Variants in ALG13 observed in about 807,000 individuals in gnomAD.
The protein encoded by ALG13 is ALG13 UDP-N-acetylglucosaminyltransferase subunit.
ALG13 carries 11 observed loss-of-function variants against 87.8 expected under a neutral mutation model. The observed-to-expected ratio is 0.13, with a 90% CI of 0.08 to 0.21. The LOEUF (loss-of-function observed/expected upper bound fraction) is 0.21. Among genes scored for constraint, ALG13 ranks in the 10% least tolerant of loss-of-function variants. ALG13 has a pLI of 1.00. For missense variants in ALG13, 756 were observed against 866.1 expected (o/e 0.87, Z 1.60); for synonymous variants, 320 against 306.3 (o/e 1.04, Z -0.47).
At chrX:111,686,029 G>A in intron 3 of ALG13, 1 of 471,651 alleles carries the variant, frequency 2.1e-6, no homozygotes, top group Non-Finnish European at 3.1e-6. Flanking sequence ...ATTTTAAGCA[G>A]AGAAATTATG....
intron 3 of ALG13, among the ~76,000 whole-genome samples, chrX:111,704,498 G>C (rs1938413460): frequency 8.9e-6 from 1 of 111,999 alleles, no homozygotes; most frequent in African/African-American, 3.2e-5. Context: ...GTTTATGCAG[G>C]GGATTGAACT....
chrX:111,739,425 A>G (rs896425318), intron 23 of ALG13, among the ~76,000 whole-genome samples: 2 of 112,320 alleles, frequency 1.8e-5, no homozygotes, highest in Non-Finnish European at 3.7e-5. Flanking sequence ...TTTTAAAAGT[A>G]CATACTTGAA....
intron 3 of ALG13, among the ~76,000 whole-genome samples, chrX:111,700,315 C>G (rs947233184): frequency 3.6e-5 from 4 of 110,518 alleles, no homozygotes; most frequent in Non-Finnish European, 7.6e-5. Context: ...AGCATGTTAT[C>G]AGCAAATAAA....
At chrX:111,757,457 A>C in intron 25 of ALG13, 131 bp from the exon 26 acceptor site, 3 of 468,854 alleles carry the variant, frequency 6.4e-6, no homozygotes, top group Non-Finnish European at 1.0e-5. Context: ...CAAAAAAGTC[A>C]TTGCTACCTC....
chrX:111,721,824 G>A, intron 12 of ALG13, 113 bp downstream of exon 12: 1 of 453,879 alleles, frequency 2.2e-6, no homozygotes, highest in Non-Finnish European at 3.8e-6. Context: ...ATAGCCTGAT[G>A]CTTTTTATCT....
rs149808406 is a variant in ALG13, at chrX:111,682,154, A to G, written c.104A>G (p.Asn35Ser). The G allele has an allele frequency of 6.1e-5, 73 of 1,187,684 alleles. No homozygotes were observed. In the African/African-American group the frequency reaches 1.1e-3, roughly 18 times the overall value. The change falls in exon 2 of 27, where the codon AAC becomes AGC. Residue 35 changes from asparagine to serine, a missense_variant. Physicochemically the swap from Asn to Ser is conservative, Grantham distance 46. This residue lies in a region of ALG13 where 153 missense variants were observed against 168.7 expected (regional missense o/e 0.91). Coordinates refer to ENST00000394780, the MANE Select transcript of ALG13 (RefSeq NM_001099922.3). ...SLQKIESLGY[N>S]RLILQIGRGT... The stretch of plus-strand genomic sequence containing the variant: ...CAGAAAATCGAGAGCCTTGGTTACA[A>G]CCGACTTATCCTGCAAATTGGTAGA...
chrX:111,717,753 A>G (rs996395345), intron 8 of ALG13, 93 bp from the exon 9 acceptor site: 29 of 586,827 alleles, frequency 4.9e-5, no homozygotes, highest in Middle Eastern at 4.9e-4. Flanking sequence ...TCAGTTACTG[A>G]CTACTGACTC....
intron 12 of ALG13, 43 bp downstream of exon 12, chrX:111,721,754 C>A: frequency 1.0e-6 from 1 of 961,285 alleles, no homozygotes; most frequent in Non-Finnish European, 1.5e-6. Context: ...CTGACAAATC[C>A]AGGAGTATAA....
intron 3 of ALG13, among the ~76,000 whole-genome samples, chrX:111,697,166 A>G (rs1186839541): frequency 1.8e-5 from 2 of 111,131 alleles, no homozygotes; most frequent in South Asian, 7.6e-4. Context: ...TGTTTCTCAA[A>G]CTTTGAAACA....
chrX:111,708,294 G>A lies in ALG13; in HGVS notation c.651G>A (p.Leu217=), dbSNP rs1266202619. Residue 217 remains leucine (L), a synonymous_variant, in exon 4 of 27, where the codon TTG becomes TTA. Coordinates refer to ENST00000394780, the MANE Select transcript of ALG13 (RefSeq NM_001099922.3). ...AAAACTACTGCAGCCAGAAGTCTTT[G>A]AATGAGGCATCAATGGATGAATATT... The part of the protein sequence containing the change: ...GWKNYCSQKS[L]NEASMDEYLG... The A allele has an allele frequency of 1.7e-6, 2 of 1,211,754 alleles. No individual in the cohort carries two copies. The highest frequency in any genetic ancestry group is 3.5e-5 in the South Asian group (2 of 56,991).
In ALG13 at chrX:111,685,103, G is replaced by C. The variant is rs1167013400; in HGVS notation, c.383G>C (p.Arg128Thr). 1 of 1,206,996 alleles carries C rather than the reference G, an allele frequency of 8.3e-7. No homozygotes were observed. ...GGTCATCTCTTCTATTGTACCTGCA[G>C]GTATGCTAGAGACTGATTATTATTA... ...KEGHLFYCTC[R>T]VLTCPGQAKS... is the part of the protein sequence containing the mutation. Residue 128 changes from arginine (R) to threonine (T), a missense_variant and splice_region_variant, in exon 3 of 27, where the codon AGG (arginine) becomes ACG (threonine). Physicochemically the swap from Arg to Thr is moderately conservative, Grantham distance 71. Coordinates refer to ENST00000394780, the MANE Select transcript of ALG13 (RefSeq NM_001099922.3).
chrX:111,710,061 TCTC>T (rs1466642728), intron 5 of ALG13, among the ~76,000 whole-genome samples: 1 of 109,273 alleles, frequency 9.2e-6, no homozygotes, highest in African/African-American at 3.3e-5. Context: ...GACAGGGTCT[TCTC>T]TGTTGCCCAG....
intron 3 of ALG13, among the ~76,000 whole-genome samples, chrX:111,703,452 C>T (rs939774419): frequency 3.6e-5 from 4 of 111,304 alleles, no homozygotes; most frequent in African/African-American, 9.8e-5. Context: ...TTGACAAACG[C>T]GTAATCATGT....
chrX:111,683,932 A>G (rs1810340875), intron 2 of ALG13, among the ~76,000 whole-genome samples: 1 of 111,475 alleles, frequency 9.0e-6, no homozygotes, highest in Non-Finnish European at 1.9e-5. Context: ...GAAATGAAGT[A>G]TAGTTTCACA....
chrX:111,748,802 G>A (rs895168461), intron 24 of ALG13, among the ~76,000 whole-genome samples: 3 of 111,181 alleles, frequency 2.7e-5, no homozygotes, highest in African/African-American at 9.8e-5. Flanking sequence ...TAAGCAACTG[G>A]CCGGGCATGG....
chrX:111,728,780 C>T (rs902066272), intron 19 of ALG13, among the ~76,000 whole-genome samples: 1 of 110,932 alleles, frequency 9.0e-6, no homozygotes, highest in African/African-American at 3.3e-5. Context: ...GTGATACCCA[C>T]TCTACTAAGT....
chrX:111,726,013 G>T (rs1197432806), intron 15 of ALG13, among the ~76,000 whole-genome samples: 1 of 111,803 alleles, frequency 8.9e-6, no homozygotes, highest in African/African-American at 3.2e-5. Flanking sequence ...GCGCTATCTC[G>T]GCTCACTGTA....
At chrX:111,714,437 G>T (rs942696226) in intron 8 of ALG13, 12 of 110,242 alleles carry the variant, frequency 1.1e-4, no homozygotes, top group African/African-American at 4.0e-4. Context: ...ATGAAGAGCA[G>T]TCTATTCAGA....
chrX:111,746,556 T>G (rs1308105730), intron 24 of ALG13, among the ~76,000 whole-genome samples: 4 of 112,110 alleles, frequency 3.6e-5, no homozygotes, highest in Non-Finnish European at 7.5e-5. Context: ...CCACAGTTTG[T>G]CCATTCTCCT....
Sources: gnomAD v4.1 joint callset for allele counts (sites outside exome capture counted in the v4.1 genomes callset) on GRCh38, gnomAD v4.1.1 for gene constraint, gnomAD v4.1.1 regional missense constraint, MANE v1.5 for transcripts, NCBI Gene and HGNC (gene_info 2026-07-23, HGNC 2026-07-21) for gene names.